RBM27: variants seen among roughly 807,000 people sequenced by gnomAD.
RBM27 encodes RNA-binding protein 27.
RBM27 carries 22 observed loss-of-function variants against 135.3 expected under a neutral mutation model. The ratio of observed to expected loss-of-function variants is 0.16; its 90% CI spans 0.12 to 0.23. The LOEUF is 0.23. Among genes scored for constraint, RBM27 ranks in the 10% least tolerant of loss-of-function variants. The probability of loss-of-function intolerance (pLI) is 1.00; values close to 1 mark genes in which losing one functional copy is unlikely to be tolerated. For missense variants in RBM27, 1,009 were observed against 1,281.0 expected (o/e 0.79, Z 3.24); for synonymous variants, 481 against 442.4 (o/e 1.09, Z -1.10).
intron 5 of RBM27, among the ~76,000 whole-genome samples, chr5:146,230,251 GTAAT>G (rs1756872072): frequency 6.6e-6 from 1 of 152,188 alleles, no homozygotes; most frequent in African/African-American, 2.4e-5. Flanking sequence ...TTTTCTAAAA[GTAAT>G]TGATTTGCTG....
chr5:146,285,846 A>G (rs1359329380), intron 20 of RBM27, 101 bp from the exon 21 acceptor site: 2 of 830,224 alleles, frequency 2.4e-6, no homozygotes, highest in Admixed American at 2.6e-5. Context: ...TATGAAATCT[A>G]GCCTGGGCTT....
chr5:146,263,672 C>A, intron 14 of RBM27, 41 bp downstream of exon 14: 7 of 1,599,564 alleles, frequency 4.4e-6, no homozygotes, highest in Non-Finnish European at 6.0e-6. Flanking sequence ...TAGAATCATT[C>A]AGTGAATTAA....
intron 1 of RBM27, among the ~76,000 whole-genome samples, chr5:146,204,162 T>C (rs1755522945): frequency 6.6e-6 from 1 of 152,128 alleles, no homozygotes; most frequent in Admixed American, 6.6e-5. Context: ...GTAACGGGGC[T>C]CTTGAGGGAT....
intron 12 of RBM27, 24 bp from the exon 13 acceptor site, chr5:146,261,486 T>G: frequency 1.3e-6 from 2 of 1,586,662 alleles, no homozygotes; most frequent in Non-Finnish European, 1.7e-6. Flanking sequence ...TTTTGGGAAT[T>G]TATATTGTTT....
At chr5:146,239,468 T>TTTTTTTTTTC (rs1561541406) in intron 8 of RBM27, among the ~76,000 whole-genome samples, 7 of 73,312 alleles carry the variant, frequency 9.5e-5, no homozygotes, top group African/African-American at 3.3e-4. Context: ...TTTTTTTTCC[T>TTTTTTTTTTC]TTTCTTTTTT....
intron 10 of RBM27, among the ~76,000 whole-genome samples, chr5:146,255,487 A>G (rs1209061192): frequency 1.3e-5 from 2 of 152,190 alleles, no homozygotes; most frequent in Admixed American, 1.3e-4. Flanking sequence ...TATGCATCAC[A>G]CTAATTATAT....
intron 11 of RBM27, among the ~76,000 whole-genome samples, chr5:146,259,287 G>A (rs1306864669): frequency 2.6e-5 from 4 of 151,922 alleles, no homozygotes; most frequent in Non-Finnish European, 4.4e-5. Context: ...AGGCCAAGGC[G>A]GGTGGATCAC....
chr5:146,278,933 G>C lies in RBM27; in HGVS notation c.2989-5689G>C, dbSNP rs1211536087. Among the ~76,000 whole-genome samples the C allele has an allele frequency of 5.3e-5, 8 of 151,698 alleles. No individual in the cohort carries two copies. The South Asian group carries it at 1.0e-3, about 20-fold the overall frequency. The stretch of plus-strand genomic sequence containing the variant: ...AGACGGGGTTTCACCGTGTTAGCCA[G>C]GATGGTCTCGATCTCCTGACCTCGT... On this transcript the variant is annotated intron_variant, in intron 19 of 20. Coordinates refer to ENST00000265271, the MANE Select transcript of RBM27 (RefSeq NM_018989.2).
At position 146,269,663 on chromosome 5, in the gene RBM27, A is replaced by G. The variant is rs140084261; in HGVS notation, c.2691+79A>G. 2.2e-4 allele frequency: 211 copies of G among 956,224 alleles called. No homozygotes were observed. In the African/African-American group the frequency reaches 3.4e-3, roughly 15 times the overall value. The allele number at this position is 956,224 out of a possible 1,614,324, so 59.2% of individuals were successfully genotyped here. On this transcript the variant is annotated intron_variant, in intron 17 of 20. Transcript: ENST00000265271. ...CTTGACACCTTGAAAGTACAATGGG[A>G]CCCTTAGGTAGCTAATATCCTAACA...
chr5:146,265,024 G>T (rs1023655279), intron 14 of RBM27, among the ~76,000 whole-genome samples: 1 of 152,068 alleles, frequency 6.6e-6, no homozygotes, highest in African/African-American at 2.4e-5. Context: ...CCTCATGAAA[G>T]GAAATTTGGC....
At chr5:146,213,378 C>T (rs1301918491) in intron 1 of RBM27, among the ~76,000 whole-genome samples, 4 of 152,116 alleles carry the variant, frequency 2.6e-5, no homozygotes, top group Non-Finnish European at 5.9e-5. Context: ...GGATTACAGA[C>T]GTGAGCCACC....
chr5:146,278,725 A>C (rs1369369684), intron 19 of RBM27, among the ~76,000 whole-genome samples: 1 of 150,284 alleles, frequency 6.7e-6, no homozygotes, highest in African/African-American at 2.4e-5. Context: ...ATTTTTTCCC[A>C]ATTTTTTTTT....
At chr5:146,258,783 TTA>T (rs1387491379) in intron 11 of RBM27, among the ~76,000 whole-genome samples, 190 bp downstream of exon 11, 10 of 149,720 alleles carry the variant, frequency 6.7e-5, no homozygotes, top group African/African-American at 2.3e-4. Context: ...TTTTTTTTTT[TTA>T]AAAGACGTAG....
chr5:146,235,031 CAAAAATAA>C (rs1222665982), intron 7 of RBM27, among the ~76,000 whole-genome samples: 3 of 32,118 alleles, frequency 9.3e-5, no homozygotes, highest in Non-Finnish European at 1.9e-4. Flanking sequence ...GACCCTGTCT[CAAAAATAA>C]ATAAATAAAT....
chr5:146,253,957 C>T (rs1758001844), intron 9 of RBM27, among the ~76,000 whole-genome samples: 2 of 152,104 alleles, frequency 1.3e-5, no homozygotes, highest in South Asian at 4.1e-4. Context: ...TGTATGTGCG[C>T]GTGTGTGCTT....
At chr5:146,261,433 C>A in intron 12 of RBM27, 77 bp from the exon 13 acceptor site, 1 of 1,195,432 alleles carries the variant, frequency 8.4e-7, no homozygotes, top group East Asian at 2.5e-5. Context: ...GGAAAACATT[C>A]ATTACATAGC....
In RBM27 at chr5:146,237,341, G is replaced by A; in HGVS notation, c.1188G>A (p.Gln396=). 1.2e-6 allele frequency: 2 copies of A among 1,614,180 alleles called. No individual in the cohort carries two copies. Among genetic ancestry groups the A allele is most frequent in the Non-Finnish European group, 1.7e-6 (2 of 1,180,034 alleles). The part of the protein sequence containing the change: ...TQSSLINSRD[Q]PGTSAVPNLA... ...CAAGCTTGATAAACAGCCGTGACCA[G>A]CCTGGGACAAGTGCAGTGCCCAATC... The change falls in exon 8 of 21, where the codon CAG becomes CAA. Residue 396 remains glutamine (Q), a synonymous_variant. Coordinates refer to ENST00000265271, the MANE Select transcript of RBM27 (RefSeq NM_018989.2).
chr5:146,239,753 G>C (rs966783098), intron 8 of RBM27, among the ~76,000 whole-genome samples: 2 of 150,620 alleles, frequency 1.3e-5, no homozygotes, highest in African/African-American at 4.9e-5. Context: ...TGGGATTACA[G>C]GTGTGAGCCA....
intron 1 of RBM27, among the ~76,000 whole-genome samples, chr5:146,209,644 A>C (rs1227880376): frequency 6.6e-6 from 1 of 152,172 alleles, no homozygotes; most frequent in Non-Finnish European, 1.5e-5. Flanking sequence ...GAGGAAAAAT[A>C]ATTATCTAGC....
Sources: allele counts gnomAD v4.1 joint callset (sites outside exome capture counted in the v4.1 genomes callset), GRCh38; gene constraint gnomAD v4.1.1; transcripts MANE v1.5; gene names NCBI Gene and HGNC (gene_info 2026-07-23, HGNC 2026-07-21).